Variants in PRH1 observed in about 807,000 individuals in gnomAD.
PRH1 encodes proline rich protein HaeIII subfamily 1.
Under a neutral mutation model 7.9 loss-of-function variants are expected in PRH1, and 7 were observed. The observed-to-expected ratio is 0.89, with a 90% CI of 0.50 to 1.67. The LOEUF (loss-of-function observed/expected upper bound fraction) is 1.67. Among genes scored for constraint, PRH1 ranks in the 40% most tolerant of loss-of-function variants. PRH1 has a pLI of 0.00. For synonymous variants in PRH1, 45 were observed against 80.8 expected (o/e 0.56, Z 2.38); for missense variants, 109 against 223.6 (o/e 0.49, Z 3.27).
intron 2 of PRH1, among the ~76,000 whole-genome samples, chr12:10,897,238 C>T (rs1318911759): frequency 6.6e-6 from 1 of 152,194 alleles, no homozygotes; most frequent in Non-Finnish European, 1.5e-5. Context: ...AGTACAGAGC[C>T]TCAGTATTAC....
At chr12:10,959,898 G>A (rs1332844731) in intron 2 of PRH1, among the ~76,000 whole-genome samples, 1 of 152,142 alleles carries the variant, frequency 6.6e-6, no homozygotes, top group East Asian at 1.9e-4. Context: ...TCAGTTTAGA[G>A]GCAAGAGAAA....
At chr12:10,921,926 C>A (rs765525180) in intron 2 of PRH1, among the ~76,000 whole-genome samples, 26 of 151,926 alleles carry the variant, frequency 1.7e-4, no homozygotes, top group Non-Finnish European at 3.8e-4. Flanking sequence ...ACCACCATAC[C>A]CGGCTAATTT....
At chr12:10,987,651 G>A (rs891089892) in intron 1 of PRH1, among the ~76,000 whole-genome samples, 14 of 151,916 alleles carry the variant, frequency 9.2e-5, no homozygotes, top group African/African-American at 2.9e-4. Context: ...CCATCCACGT[G>A]AAATTAGTCC....
chr12:11,150,072 C>G (rs1342620295), intron 1 of PRH1, among the ~76,000 whole-genome samples: 1 of 148,960 alleles, frequency 6.7e-6, no homozygotes, highest in Non-Finnish European at 1.5e-5. Context: ...TGAAAAAATG[C>G]TCATCATCAC....
chr12:11,091,455 GT>G lies in PRH1; in HGVS notation n.124-44268del, dbSNP rs775254402. The G allele has an allele frequency of 2.4e-6, 3 of 1,265,862 alleles. 1 individual carries two copies. The East Asian group carries it at 7.0e-5, about 30-fold the overall frequency. 78.4% of individuals were successfully genotyped at this position (1,265,862 alleles called of 1,614,324 possible). ...ATAGCTTTGCAGAACATGAAGACAG[GT>G]TTGTTTTCCAGACTTCCAAAACTCC... On this transcript the variant is annotated intron_variant and non_coding_transcript_variant, in intron 1 of 4. Coordinates refer to the PRH1 transcript ENST00000541977.
chr12:11,029,652 T>C (rs1942088318), intron 1 of PRH1, among the ~76,000 whole-genome samples: 2 of 113,250 alleles, frequency 1.8e-5, no homozygotes, highest in Non-Finnish European at 4.2e-5. Flanking sequence ...TAACTGATGA[T>C]ACCAATCCAG....
chr12:11,075,063 A>T (rs1228972451), intron 1 of PRH1, among the ~76,000 whole-genome samples: 1 of 138,446 alleles, frequency 7.2e-6, no homozygotes, highest in Non-Finnish European at 1.6e-5. Context: ...TGCCTTCCCA[A>T]ATAAATGTCA....
chr12:11,049,335 GTC>G, upstream of PRH1: 1 of 225,786 alleles, frequency 4.4e-6, no homozygotes, highest in Non-Finnish European at 7.7e-6. Flanking sequence ...AGACCTTAAT[GTC>G]GATAAACACT....
At chr12:11,084,210 G>C (rs186099078) in intron 1 of PRH1, among the ~76,000 whole-genome samples, 2,289 of 27,370 alleles carry the variant, frequency 0.084, 127 homozygotes, top group South Asian at 0.25. Context: ...GGCACAAGCA[G>C]CACCCTTCTG....
chr12:11,097,482 A>G lies in PRH1; in HGVS notation n.124-50294T>C, dbSNP rs1477958267. Among the ~76,000 whole-genome samples, 2 of 114,536 alleles carry G rather than the reference A, an allele frequency of 1.7e-5. 1 individual carries two copies. Among genetic ancestry groups the G allele is most frequent in the Non-Finnish European group, 4.1e-5 (2 of 48,246 alleles). The allele number at this position is 114,536 out of a possible 152,430, so 75.1% of individuals were successfully genotyped here. A position where few individuals can be genotyped will look rare whatever the true frequency, so the allele number is the denominator to read the frequency against. On this transcript the variant is annotated intron_variant and non_coding_transcript_variant, in intron 1 of 4. Coordinates refer to the PRH1 transcript ENST00000541977. ...AGGAATTTTATTTACACGAAAATTA[A>G]ATTGTTTCTATCATGAGCATAGTGA...
chr12:11,028,307 C>T (rs150777032), intron 1 of PRH1, among the ~76,000 whole-genome samples: 145 of 152,342 alleles, frequency 9.5e-4, no homozygotes, highest in African/African-American at 3.3e-3. Context: ...CTTCCATGGA[C>T]TAATGCCAGC....
chr12:11,148,950 G>T (rs1946967801), intron 1 of PRH1, among the ~76,000 whole-genome samples: 1 of 144,474 alleles, frequency 6.9e-6, no homozygotes, highest in Non-Finnish European at 1.5e-5. Context: ...ATTGATTATT[G>T]CCACAATTTC....
chr12:11,105,741 G>A (rs1262971046), intron 1 of PRH1, among the ~76,000 whole-genome samples: 1 of 152,126 alleles, frequency 6.6e-6, no homozygotes, highest in Non-Finnish European at 1.5e-5. Flanking sequence ...TGACACACTG[G>A]TTGTATAACC....
chr12:10,963,009 A>T (rs188838736), intron 2 of PRH1, among the ~76,000 whole-genome samples: 2 of 152,208 alleles, frequency 1.3e-5, no homozygotes, highest in Non-Finnish European at 2.9e-5. Context: ...TGACCTCGTG[A>T]TCCGCCCACC....
intron 1 of PRH1, chr12:11,171,360 G>A (rs1947837658): frequency 6.5e-6 from 8 of 1,231,602 alleles, no homozygotes; most frequent in Non-Finnish European, 8.1e-6. Flanking sequence ...CTGGCTCATG[G>A]CCCCCGCGGC....
At chr12:10,930,497 T>C (rs1407338720) in intron 2 of PRH1, among the ~76,000 whole-genome samples, 3 of 151,992 alleles carry the variant, frequency 2.0e-5, no homozygotes, top group African/African-American at 7.3e-5. Context: ...CACCCTAATG[T>C]GGATTAAGAG....
intron 2 of PRH1, among the ~76,000 whole-genome samples, chr12:10,968,819 G>C (rs1185245457): frequency 6.6e-6 from 1 of 152,234 alleles, no homozygotes; most frequent in Non-Finnish European, 1.5e-5. Context: ...GCAGCATCTG[G>C]GGGGGTGCCC....
Position 11,094,379 on chromosome 12 carries a change from T to A in PRH1, n.124-47191A>T, listed in dbSNP as rs1178858907. On this transcript the variant is annotated intron_variant and non_coding_transcript_variant, in intron 1 of 4. Transcript: ENST00000541977. Reference sequence around the variant, plus strand: ...AATATCTAATGTAGGTTTGGAGGGTTTTCTCCTGCACAAAAACATAACTGA... The same window carrying A: ...AATATCTAATGTAGGTTTGGAGGGTATTCTCCTGCACAAAAACATAACTGA... Among the ~76,000 whole-genome samples the A allele has an allele frequency of 1.8e-5, 2 of 112,264 alleles. 1 individual carries two copies. The highest frequency in any genetic ancestry group is 4.8e-4 in the South Asian group (2 of 4,148). The allele number at this position is 112,264 out of a possible 152,430, so 73.6% of individuals were successfully genotyped here.
downstream of PRH1, among the ~76,000 whole-genome samples, chr12:11,116,436 C>CA (rs1426463991): frequency 6.6e-6 from 1 of 151,610 alleles, no homozygotes; most frequent in East Asian, 1.9e-4. Flanking sequence ...ACAAAACAAA[C>CA]AAAAAACAAA....
Sources: allele counts gnomAD v4.1 joint callset (sites outside exome capture counted in the v4.1 genomes callset), GRCh38; gene constraint gnomAD v4.1.1; transcripts MANE v1.5; gene names NCBI Gene and HGNC (gene_info 2026-07-23, HGNC 2026-07-21).